TUSC3: variants seen among roughly 807,000 people sequenced by gnomAD.
TUSC3 encodes the protein tumor suppressor candidate 3, also known as dolichyl-diphosphooligosaccharide--protein glycosyltransferase subunit TUSC3.
TUSC3 carries 45 observed loss-of-function variants against 44.8 expected under a neutral mutation model. That is an observed-to-expected ratio of 1.00 (90% CI 0.79 to 1.29). TUSC3 has a LOEUF of 1.29. TUSC3 is among the 50% of genes most tolerant of loss of function. TUSC3 has a pLI of 0.00. For missense variants in TUSC3, 519 were observed against 437.9 expected (o/e 1.19, Z -1.65); for synonymous variants, 212 against 152.9 (o/e 1.39, Z -2.85).
chr8:15,623,091 T>A lies in TUSC3; in HGVS notation c.150T>A (p.Ala50=). The A allele has an allele frequency of 6.2e-7, 1 of 1,613,758 alleles. No homozygotes were observed. The highest frequency in any genetic ancestry group is 8.5e-7 in the Non-Finnish European group (1 of 1,179,810). Residue 50 remains alanine (A), a synonymous_variant, in exon 2 of 11, where the codon GCT becomes GCA. Transcript: ENST00000503731. ...GGQKKKENLL[A]EKVEQLMEWS... is the part of the protein sequence containing the mutation. ...GTGTTTAATTGCAGAATCTTTTAGC[T>A]GAAAAAGTAGAGCAGCTGATGGAAT...
At chr8:15,726,441 A>G (rs1310043769) in intron 6 of TUSC3, among the ~76,000 whole-genome samples, 2 of 152,276 alleles carry the variant, frequency 1.3e-5, no homozygotes, top group African/African-American at 2.4e-5. Flanking sequence ...GAATTTTGTT[A>G]TAACCTTATT....
chr8:15,775,304 G>A, the TUSC3 span, among the ~76,000 whole-genome samples: 9 of 152,092 alleles, frequency 5.9e-5, no homozygotes, highest in African/African-American at 9.7e-5. Flanking sequence ...GGTTGGATGA[G>A]GGGTAGGATG....
chr8:15,573,040 C>G (rs570334118), intron 1 of TUSC3, among the ~76,000 whole-genome samples: 9 of 151,914 alleles, frequency 5.9e-5, no homozygotes, highest in Middle Eastern at 3.4e-3. Flanking sequence ...CATAGAGTTG[C>G]TTAATGGAGA....
At chr8:15,633,102 G>C (rs1805893383) in intron 2 of TUSC3, among the ~76,000 whole-genome samples, 1 of 152,208 alleles carries the variant, frequency 6.6e-6, no homozygotes, top group South Asian at 2.1e-4. Flanking sequence ...GGATGTGTGT[G>C]TGTATATAGA....
the TUSC3 span, among the ~76,000 whole-genome samples, chr8:15,778,737 A>G: frequency 5.3e-5 from 8 of 152,190 alleles, no homozygotes. Flanking sequence ...TCCTTAGAGA[A>G]AGGGCCCTAT....
chr8:15,595,596 G>T (rs767331597), intron 1 of TUSC3, among the ~76,000 whole-genome samples: 1 of 152,146 alleles, frequency 6.6e-6, no homozygotes, highest in African/African-American at 2.4e-5. Context: ...GTTTCAGGCG[G>T]GTGGGCAAAT....
At chr8:15,717,837 A>C (rs1342936063) in intron 6 of TUSC3, among the ~76,000 whole-genome samples, 14 of 152,094 alleles carry the variant, frequency 9.2e-5, no homozygotes, top group Non-Finnish European at 1.5e-4. Context: ...GTTACAAAGG[A>C]GGTTAACTCA....
chr8:15,523,032 C>G (rs865913170), intron 2 of TUSC3, among the ~76,000 whole-genome samples: 1 of 152,260 alleles, frequency 6.6e-6, no homozygotes, highest in Middle Eastern at 3.4e-3. Context: ...AGACTGAGAA[C>G]TATACCAGCT....
At position 15,765,003 on chromosome 8, in the gene TUSC3, C is replaced by G; in HGVS notation, c.*847C>G. The G allele has an allele frequency of 6.6e-6, 1 of 152,008 alleles. No homozygotes were observed. The highest frequency in any genetic ancestry group is 1.9e-4 in the East Asian group (1 of 5,180). The allele number at this position is 152,008 out of a possible 1,614,324, so 9.4% of individuals were successfully genotyped here. A position where few individuals can be genotyped will look rare whatever the true frequency, so the allele number is the denominator to read the frequency against. ...TATGCAACCAGCTTTCCATCAAATC[C>G]TCAATCTTTGAATCCAGGTAAAAGG... On this transcript the variant is annotated 3_prime_UTR_variant, in exon 11 of 11. Coordinates refer to ENST00000503731, the MANE Select transcript of TUSC3 (RefSeq NM_006765.4).
At chr8:15,729,312 G>T (rs1490429036) in intron 6 of TUSC3, among the ~76,000 whole-genome samples, 1 of 152,108 alleles carries the variant, frequency 6.6e-6, no homozygotes, top group Non-Finnish European at 1.5e-5. Context: ...TTGTTACTAT[G>T]TGGTGGAAAG....
chr8:15,625,971 A>G (rs1328741081), intron 2 of TUSC3, among the ~76,000 whole-genome samples: 1 of 152,182 alleles, frequency 6.6e-6, no homozygotes, highest in African/African-American at 2.4e-5. Flanking sequence ...GAGTATATAT[A>G]CCTTAACGAT....
Position 15,540,587 on chromosome 8 carries a change from G to T in TUSC3, c.138+19G>T, listed in dbSNP as rs766691122. ...AAAGGAGGTAGAATGGATCCCCTTG[G>T]CCTTCCCCTGTGGGCGGGGGCGGGC... On this transcript the variant is annotated intron_variant, in intron 1 of 10. Coordinates refer to ENST00000503731, the MANE Select transcript of TUSC3 (RefSeq NM_006765.4). 1 of 1,541,524 alleles carries T rather than the reference G, an allele frequency of 6.5e-7. No homozygotes were observed. The highest frequency in any genetic ancestry group is 2.6e-5 in the East Asian group (1 of 38,602).
rs192176157 is a variant in TUSC3, at chr8:15,613,918, G to A, written c.139-9162G>A. Among the ~76,000 whole-genome samples the A allele has an allele frequency of 3.0e-3, 463 of 152,026 alleles. 2 individuals are homozygous for A. The highest frequency in any genetic ancestry group is 6.8e-3 in the Middle Eastern group (2 of 294). ...CACCCAAACAGAGAAGTTTGAATTA[G>A]GCCTTTGAGATCTAATTTAGAGATT... is the stretch of plus-strand genomic sequence containing the variant. On this transcript the variant is annotated intron_variant, in intron 1 of 10. Transcript: ENST00000503731.
intron 1 of TUSC3, among the ~76,000 whole-genome samples, chr8:15,459,607 T>C (rs1327674705): frequency 6.6e-6 from 1 of 152,082 alleles, no homozygotes; most frequent in African/African-American, 2.4e-5. Flanking sequence ...TAGTCTTTTT[T>C]TCCTCGCCAC....
At chr8:15,651,345 G>A (rs1382752668) in intron 3 of TUSC3, among the ~76,000 whole-genome samples, 1 of 152,130 alleles carries the variant, frequency 6.6e-6, no homozygotes, top group African/African-American at 2.4e-5. Context: ...GTGGCAGATA[G>A]TATTTTACAT....
At chr8:15,722,698 T>C (rs1810346518) in intron 6 of TUSC3, among the ~76,000 whole-genome samples, 1 of 152,140 alleles carries the variant, frequency 6.6e-6, no homozygotes, top group South Asian at 2.1e-4. Flanking sequence ...ATATGACTTC[T>C]GTCTGTAGAG....
intron 1 of TUSC3, among the ~76,000 whole-genome samples, chr8:15,468,728 C>T (rs1030478540): frequency 8.5e-5 from 13 of 152,088 alleles, no homozygotes; most frequent in African/African-American, 2.9e-4. Flanking sequence ...AGAAAAATCA[C>T]AACAGATATG....
chr8:15,666,519 G>A (rs1203964842), intron 5 of TUSC3, among the ~76,000 whole-genome samples: 1 of 151,192 alleles, frequency 6.6e-6, no homozygotes, highest in Non-Finnish European at 1.5e-5. Context: ...ATTCATGAAA[G>A]GTACTTTGGC....
At chr8:15,552,244 G>C (rs1341686911) in intron 1 of TUSC3, among the ~76,000 whole-genome samples, 1 of 151,780 alleles carries the variant, frequency 6.6e-6, no homozygotes, top group African/African-American at 2.4e-5. Context: ...ACTGAACAAA[G>C]TGCCAAGTTA....
Sources: allele counts gnomAD v4.1 joint callset (sites outside exome capture counted in the v4.1 genomes callset), GRCh38; gene constraint gnomAD v4.1.1; transcripts MANE v1.5; gene names NCBI Gene and HGNC (gene_info 2026-07-23, HGNC 2026-07-21).